The following PKHD1 variants were observed in gnomAD, a reference collection of about 807,000 sequenced individuals.
PKHD1 encodes the protein PKHD1 ciliary IPT domain containing fibrocystin/polyductin, also known as fibrocystin.
Under a neutral mutation model 412.0 loss-of-function variants are expected in PKHD1, and 291 were observed. That is an observed-to-expected ratio of 0.71 (90% CI 0.64 to 0.78). The LOEUF is 0.78. Among genes scored for constraint, PKHD1 ranks in the 30% least tolerant of loss-of-function variants. The pLI, the probability that PKHD1 is intolerant of heterozygous loss-of-function variation, is 0.00. For missense variants in PKHD1, 4,825 were observed against 4,950.7 expected (o/e 0.97, Z 0.76); for synonymous variants, 1,777 against 1,821.5 (o/e 0.98, Z 0.62).
In PKHD1 at chr6:51,754,846, G is replaced by A. The variant is rs145175102; in HGVS notation, c.8735C>T (p.Thr2912Ile). 53 of 1,613,304 alleles carry A rather than the reference G, an allele frequency of 3.3e-5. No homozygotes were observed. Among genetic ancestry groups the A allele is most frequent in the Non-Finnish European group, 3.6e-5 (43 of 1,179,432 alleles). Residue 2912 changes from threonine (T) to isoleucine (I), a missense_variant, in exon 56 of 67, where the codon ACT becomes ATT. Physicochemically the swap from Thr to Ile is moderately conservative, Grantham distance 89. Coordinates refer to ENST00000371117, the MANE Select transcript of PKHD1 (RefSeq NM_138694.4). ...SYEPHEAEVL[T>I]VKEVKGHHVR... ...ATGGTGGCCCTTGACTTCTTTCACA[G>A]TGAGGACCTCTGCTTCATGAGGCTC...
At chr6:51,961,728 C>CA (rs1379077506) in intron 35 of PKHD1, among the ~76,000 whole-genome samples, 2 of 151,992 alleles carry the variant, frequency 1.3e-5, no homozygotes, top group African/African-American at 4.8e-5. Context: ...AAGTAAACTG[C>CA]AGAACAGGGT....
At chr6:51,716,463 G>T (rs1436780222) in intron 60 of PKHD1, among the ~76,000 whole-genome samples, 1 of 152,142 alleles carries the variant, frequency 6.6e-6, no homozygotes, top group Admixed American at 6.5e-5. Flanking sequence ...CCAAGAAGGG[G>T]TGCCCATTCT....
At chr6:51,643,723 G>C (rs1402134664) in intron 63 of PKHD1, among the ~76,000 whole-genome samples, 1 of 152,044 alleles carries the variant, frequency 6.6e-6, no homozygotes, top group African/African-American at 2.4e-5. Flanking sequence ...TACATGTACA[G>C]AACATGCAGG....
intron 23 of PKHD1, 105 bp from the exon 24 acceptor site, chr6:52,046,293 T>A: frequency 1.1e-6 from 1 of 893,610 alleles, no homozygotes; most frequent in South Asian, 1.3e-5. Context: ...GCCTATCAAA[T>A]TTTCAGGAGA....
chr6:51,965,553 T>G (rs1792678905), intron 35 of PKHD1, among the ~76,000 whole-genome samples: 1 of 151,884 alleles, frequency 6.6e-6, no homozygotes, highest in Non-Finnish European at 1.5e-5. Flanking sequence ...TCATGCAGGC[T>G]CTAAGTGATC....
chr6:51,919,321 G>T (rs1398749458), intron 37 of PKHD1, among the ~76,000 whole-genome samples: 1 of 152,064 alleles, frequency 6.6e-6, no homozygotes, highest in African/African-American at 2.4e-5. Flanking sequence ...TGTAAGGAAG[G>T]GATCCAATTT....
intron 60 of PKHD1, among the ~76,000 whole-genome samples, chr6:51,735,136 T>C (rs1398642732): frequency 3.3e-5 from 5 of 152,226 alleles, no homozygotes; most frequent in Admixed American, 1.3e-4. Flanking sequence ...AATATGTGAA[T>C]GATCCAGTTA....
chr6:51,897,132 G>A (rs192287900), intron 43 of PKHD1, among the ~76,000 whole-genome samples: 1 of 152,152 alleles, frequency 6.6e-6, no homozygotes, highest in African/African-American at 2.4e-5. Context: ...AGCAAGGCAG[G>A]CCAACGTTCA....
intron 60 of PKHD1, among the ~76,000 whole-genome samples, chr6:51,715,962 T>G (rs1008452210): frequency 6.6e-6 from 1 of 152,154 alleles, no homozygotes; most frequent in Non-Finnish European, 1.5e-5. Flanking sequence ...TCTTCAGAAG[T>G]TGGGAAAGTT....
chr6:51,723,794 A>G (rs1476931238), intron 60 of PKHD1, among the ~76,000 whole-genome samples: 1 of 152,114 alleles, frequency 6.6e-6, no homozygotes, highest in Non-Finnish European at 1.5e-5. Flanking sequence ...AGAAAGAGAG[A>G]AAGACAGAGA....
chr6:52,047,732 G>A (rs1472086678), intron 23 of PKHD1, among the ~76,000 whole-genome samples: 1 of 152,110 alleles, frequency 6.6e-6, no homozygotes, highest in African/African-American at 2.4e-5. Context: ...TCAAATACCT[G>A]GGTTCACAAC....
At chr6:52,048,666 C>T (rs1216529677) in intron 22 of PKHD1, 47 bp from the exon 23 acceptor site, 1 of 1,611,240 alleles carries the variant, frequency 6.2e-7, no homozygotes, top group Non-Finnish European at 8.5e-7. Context: ...TTGGGGTGTG[C>T]ACCTAGGAGG....
chr6:51,807,362 C>A (rs1214276881), intron 52 of PKHD1, among the ~76,000 whole-genome samples: 1 of 147,756 alleles, frequency 6.8e-6, no homozygotes, highest in Non-Finnish European at 1.5e-5. Flanking sequence ...TACTTGAACC[C>A]GGGAGGCAGA....
intron 35 of PKHD1, among the ~76,000 whole-genome samples, chr6:51,982,832 A>T (rs1176670020): frequency 6.9e-6 from 1 of 143,946 alleles, no homozygotes; most frequent in African/African-American, 2.5e-5. Context: ...AATAATAAAT[A>T]AAAAATAAAA....
chr6:51,994,825 C>CA (rs1285594790), intron 35 of PKHD1, among the ~76,000 whole-genome samples: 2 of 152,122 alleles, frequency 1.3e-5, no homozygotes, highest in African/African-American at 4.8e-5. Flanking sequence ...ACAAGTGATC[C>CA]AACTGCCTCA....
At chr6:51,900,048 C>T (rs1780964298) in intron 43 of PKHD1, among the ~76,000 whole-genome samples, 1 of 152,166 alleles carries the variant, frequency 6.6e-6, no homozygotes, top group Admixed American at 6.5e-5. Flanking sequence ...ACATTCCATG[C>T]TCATGGGTAG....
chr6:51,756,912 G>T (rs78228270), intron 55 of PKHD1, among the ~76,000 whole-genome samples: 1 of 152,064 alleles, frequency 6.6e-6, no homozygotes, highest in Admixed American at 6.6e-5. Context: ...AGGTGGATTC[G>T]GGATGAAACT....
In PKHD1 at chr6:51,659,772, T is replaced by C. The variant is rs562503637; in HGVS notation, c.10354A>G (p.Thr3452Ala). 6.2e-5 allele frequency: 100 copies of C among 1,613,618 alleles called. No individual in the cohort carries two copies. In the Middle Eastern group the frequency reaches 2.8e-3, roughly 45 times the overall value. The change falls in exon 61 of 67, where the codon ACT becomes GCT. Residue 3452 changes from threonine to alanine, a missense_variant. Coordinates refer to ENST00000371117, the MANE Select transcript of PKHD1 (RefSeq NM_138694.4). ...SSVNANIPCS[T>A]SGSVSTFYSI... ...TAGAAAGTAGACACTGACCCAGAAGTAGAGCAGGGAATATTGGCATTTACA... is the reference window on the plus strand; with the variant it reads ...TAGAAAGTAGACACTGACCCAGAAGCAGAGCAGGGAATATTGGCATTTACA...
At chr6:52,021,564 G>C (rs1256937502) in intron 33 of PKHD1, among the ~76,000 whole-genome samples, 3 of 152,140 alleles carry the variant, frequency 2.0e-5, no homozygotes, top group Non-Finnish European at 4.4e-5. Flanking sequence ...CTGCAACACT[G>C]TTCCTAGCAG....
Sources: gnomAD v4.1 joint callset for allele counts (sites outside exome capture counted in the v4.1 genomes callset) on GRCh38, gnomAD v4.1.1 for gene constraint, MANE v1.5 for transcripts, NCBI Gene and HGNC (gene_info 2026-07-23, HGNC 2026-07-21) for gene names.